The following OPCML variants were observed in gnomAD, a reference collection of about 807,000 sequenced individuals.
The protein encoded by OPCML is opioid-binding protein/cell adhesion molecule.
Under a neutral mutation model 37.8 loss-of-function variants are expected in OPCML, and 13 were observed. The ratio of observed to expected loss-of-function variants is 0.34; its 90% CI spans 0.22 to 0.55. The LOEUF is 0.55. Ranked by LOEUF, OPCML falls within the 20% of genes least tolerant of loss-of-function variation. The probability of loss-of-function intolerance (pLI) is 0.91; values close to 1 mark genes in which losing one functional copy is unlikely to be tolerated. For missense variants in OPCML, 341 were observed against 435.6 expected, an observed-to-expected ratio of 0.78 and a Z score of 1.93; for synonymous variants, 176 against 168.8, an observed-to-expected ratio of 1.04 and a Z score of -0.33.
At chr11:132,657,417 G>A in intron 2 of OPCML, 98 bp from the exon 3 acceptor site, 2 of 1,476,442 alleles carry the variant, frequency 1.4e-6, no homozygotes, top group Non-Finnish European at 1.8e-6. Flanking sequence ...ATTTTGAGGA[G>A]TAAATGAAAC....
At chr11:132,428,986 A>T (rs184313813) in intron 7 of OPCML, among the ~76,000 whole-genome samples, 4 of 152,132 alleles carry the variant, frequency 2.6e-5, no homozygotes, top group Non-Finnish European at 4.4e-5. Context: ...AATTCCTGGC[A>T]TACAGTAGGC....
chr11:132,650,636 G>T (rs1941384423), intron 3 of OPCML, among the ~76,000 whole-genome samples: 1 of 151,902 alleles, frequency 6.6e-6, no homozygotes, highest in Non-Finnish European at 1.5e-5. Context: ...TGGGATTAAA[G>T]TATGCATATG....
At chr11:133,104,147 C>T (rs183153611) in intron 1 of OPCML, among the ~76,000 whole-genome samples, 3 of 152,328 alleles carry the variant, frequency 2.0e-5, no homozygotes, top group East Asian at 3.9e-4. Context: ...CAGGTGAGAG[C>T]GCATGGATGG....
At chr11:132,951,561 ACAT>A (rs1369556615) in intron 1 of OPCML, among the ~76,000 whole-genome samples, 20 of 152,334 alleles carry the variant, frequency 1.3e-4, no homozygotes, top group African/African-American at 4.3e-4. Context: ...GATTCAGCCG[ACAT>A]CAGTGTTAAG....
chr11:132,638,163 C>CTACATATATATATATATATATATATA (rs1940629338), intron 3 of OPCML, among the ~76,000 whole-genome samples: 1 of 128,192 alleles, frequency 7.8e-6, no homozygotes. Flanking sequence ...TATATACAGA[C>CTACATATATATATATATATATATATA]TATATATATA....
chr11:132,980,120 T>C lies in OPCML; in HGVS notation c.62-37110A>G, dbSNP rs146583016. On this transcript the variant is annotated intron_variant, in intron 1 of 7. Coordinates refer to ENST00000524381, the MANE Select transcript of OPCML (RefSeq NM_001012393.5). ...ATAAAAGAAATACGGATGGCAAATG[T>C]ATATTCACCAACTTGATGAAGGGAC... 1.9e-3 allele frequency among the ~76,000 whole-genome samples: 282 copies of C among 152,286 alleles called. 3 individuals carry two copies. Among genetic ancestry groups the C allele is most frequent in the African/African-American group, 6.0e-3 (248 of 41,556 alleles).
chr11:132,908,568 G>A (rs1944319847), intron 2 of OPCML, among the ~76,000 whole-genome samples: 1 of 152,142 alleles, frequency 6.6e-6, no homozygotes, highest in Non-Finnish European at 1.5e-5. Flanking sequence ...GCACTCCCTT[G>A]TGCAATTCAG....
intron 2 of OPCML, among the ~76,000 whole-genome samples, chr11:132,745,922 CG>C (rs1945619521): frequency 6.6e-6 from 1 of 152,084 alleles, no homozygotes; most frequent in Non-Finnish European, 1.5e-5. Flanking sequence ...GCCTGCATAG[CG>C]GGCAGGAACA....
chr11:132,861,070 CAACT>C lies in OPCML; in HGVS notation c.146+81852_146+81855del, dbSNP rs913438132. Among the ~76,000 whole-genome samples, 105 of 152,306 alleles carry C rather than the reference CAACT, an allele frequency of 6.9e-4. 1 individual carries two copies. The highest frequency in any genetic ancestry group is 2.4e-3 in the African/African-American group (100 of 41,572). The stretch of plus-strand genomic sequence containing the variant: ...TTCACTGTATCTCATTTAATCCCAC[CAACT>C]GTCTCCCAAAGTAGATATTTTCATT... On this transcript the variant is annotated intron_variant, in intron 2 of 7. Transcript: ENST00000524381.
chr11:132,565,878 C>T (rs990182131), intron 3 of OPCML, among the ~76,000 whole-genome samples: 1 of 152,026 alleles, frequency 6.6e-6, no homozygotes, highest in Admixed American at 6.5e-5. Flanking sequence ...ACTAAAAATA[C>T]AAAAATTAGC....
intron 1 of OPCML, among the ~76,000 whole-genome samples, chr11:133,231,296 T>A (rs1940265405): frequency 6.6e-6 from 1 of 152,112 alleles, no homozygotes; most frequent in Non-Finnish European, 1.5e-5. Context: ...ACAGGCAGTG[T>A]AGCAGCATGG....
chr11:132,732,437 T>A (rs544269643), intron 2 of OPCML, among the ~76,000 whole-genome samples: 1 of 152,268 alleles, frequency 6.6e-6, no homozygotes, highest in African/African-American at 2.4e-5. Context: ...TTGATGGGTT[T>A]ATCTTGAGGG....
At chr11:132,541,840 C>A (rs942939995) in intron 3 of OPCML, among the ~76,000 whole-genome samples, 1 of 152,192 alleles carries the variant, frequency 6.6e-6, no homozygotes, top group South Asian at 2.1e-4. Context: ...CATCTCTCCA[C>A]TCTTGCTGGC....
At chr11:132,434,968 G>T (rs1301342490) in intron 7 of OPCML, among the ~76,000 whole-genome samples, 1 of 152,160 alleles carries the variant, frequency 6.6e-6, no homozygotes, top group African/African-American at 2.4e-5. Context: ...ATTCCACAGA[G>T]TGCATTTGAA....
chr11:133,057,612 C>A (rs937930066), intron 1 of OPCML, among the ~76,000 whole-genome samples: 34 of 152,218 alleles, frequency 2.2e-4, no homozygotes, highest in African/African-American at 6.3e-4. Context: ...AAAGCTATAG[C>A]CTGCCCCTGT....
At chr11:132,804,359 T>G (rs1938869371) in intron 2 of OPCML, among the ~76,000 whole-genome samples, 1 of 152,108 alleles carries the variant, frequency 6.6e-6, no homozygotes, top group Non-Finnish European at 1.5e-5. Flanking sequence ...ATTTACAAGG[T>G]GGCAAACTAG....
chr11:132,664,855 G>A (rs1366803654), intron 2 of OPCML, among the ~76,000 whole-genome samples: 5 of 152,326 alleles, frequency 3.3e-5, no homozygotes, highest in Middle Eastern at 3.4e-3. Flanking sequence ...AATATTTGCT[G>A]ATAAGGTATT....
intron 1 of OPCML, among the ~76,000 whole-genome samples, chr11:133,440,762 T>TTATATA (rs58808691): frequency 7.9e-5 from 10 of 126,954 alleles, no homozygotes; most frequent in African/African-American, 1.0e-4. Context: ...CCTACAGCAA[T>TTATATA]TATATATATA....
chr11:133,196,951 C>T (rs1938559651), intron 1 of OPCML, among the ~76,000 whole-genome samples: 1 of 152,186 alleles, frequency 6.6e-6, no homozygotes, highest in Non-Finnish European at 1.5e-5. Flanking sequence ...GGCATCTTGC[C>T]TTTTCTAGTA....
Sources: allele counts gnomAD v4.1 joint callset (sites outside exome capture counted in the v4.1 genomes callset), GRCh38; gene constraint gnomAD v4.1.1; transcripts MANE v1.5; gene names NCBI Gene and HGNC (gene_info 2026-07-23, HGNC 2026-07-21).